The following EFCAB5 variants were observed in gnomAD, a reference collection of about 807,000 sequenced individuals.
EFCAB5 encodes EF-hand calcium binding domain 5.
EFCAB5 carries 131 observed loss-of-function variants against 167.9 expected under a neutral mutation model. That is an observed-to-expected ratio of 0.78 (90% CI 0.68 to 0.90). The LOEUF (loss-of-function observed/expected upper bound fraction) is 0.90. Ranked by LOEUF, EFCAB5 falls within the 40% of genes least tolerant of loss-of-function variation. EFCAB5 has a pLI of 0.00. For missense variants in EFCAB5, 1,663 were observed against 1,745.2 expected, an observed-to-expected ratio of 0.95 and a Z score of 0.84; for synonymous variants, 574 against 602.8, an observed-to-expected ratio of 0.95 and a Z score of 0.70.
chr17:29,951,525 A>AT (rs1406367953), intron 3 of EFCAB5, among the ~76,000 whole-genome samples: 172 of 119,460 alleles, frequency 1.4e-3, no homozygotes, highest in Middle Eastern at 0.012. Flanking sequence ...TTTTTTTTTT[A>AT]TTTTTTTTTT....
chr17:29,986,637 ATTTTTTTTTT>A (rs911310972), intron 4 of EFCAB5, among the ~76,000 whole-genome samples: 9 of 58,082 alleles, frequency 1.5e-4, no homozygotes, highest in Admixed American at 4.9e-4. Flanking sequence ...GAGTATATTC[ATTTTTTTTTT>A]TTTTTTTTTT....
intron 7 of EFCAB5, among the ~76,000 whole-genome samples, chr17:30,016,142 C>A (rs1287423181): frequency 2.0e-5 from 3 of 152,212 alleles, no homozygotes; most frequent in Non-Finnish European, 4.4e-5. Flanking sequence ...ATGTGATTTG[C>A]AAGTATTTTC....
At chr17:30,042,346 G>A (rs542009931) in intron 8 of EFCAB5, among the ~76,000 whole-genome samples, 4 of 152,170 alleles carry the variant, frequency 2.6e-5, no homozygotes, top group East Asian at 3.9e-4. Flanking sequence ...AAACCAAAGC[G>A]AATTTGTGTG....
At chr17:30,102,624 A>T (rs950542447) in intron 22 of EFCAB5, among the ~76,000 whole-genome samples, 2 of 152,118 alleles carry the variant, frequency 1.3e-5, no homozygotes, top group Non-Finnish European at 2.9e-5. Flanking sequence ...AATTGAATGC[A>T]TGTTAATCAT....
Position 29,999,888 on chromosome 17 carries a change from T to C in EFCAB5, c.974-18T>C, listed in dbSNP as rs909810736. 2 of 1,553,416 alleles carry C rather than the reference T, an allele frequency of 1.3e-6. No homozygotes were observed. The highest frequency in any genetic ancestry group is 2.7e-5 in the African/African-American group (2 of 73,488). ...TACAACCTAACTAACTAGCAAATAA[T>C]CTTCATTCCATAAATAGGATCACAC... On this transcript the variant is annotated intron_variant, in intron 6 of 22. Coordinates refer to ENST00000394835, the MANE Select transcript of EFCAB5 (RefSeq NM_198529.4).
chr17:29,986,636 C>CTT (rs1196821046), intron 4 of EFCAB5, among the ~76,000 whole-genome samples: 85 of 87,928 alleles, frequency 9.7e-4, no homozygotes, highest in African/African-American at 4.3e-3. Flanking sequence ...GGAGTATATT[C>CTT]ATTTTTTTTT....
chr17:30,044,506 G>A lies in EFCAB5; in HGVS notation c.1201-6612G>A, dbSNP rs373455976. 2.8e-4 allele frequency among the ~76,000 whole-genome samples: 43 copies of A among 152,110 alleles called. 1 individual carries two copies. Among genetic ancestry groups the A allele is most frequent in the African/African-American group, 9.9e-4 (41 of 41,472 alleles). On this transcript the variant is annotated intron_variant, in intron 8 of 22. Transcript: ENST00000394835. Reference sequence around the variant, plus strand: ...CACGAGAATCGCTTGAACCCGGGAGGTGGAGTTTGCAATGAGCCAAGATCA... The same window carrying A: ...CACGAGAATCGCTTGAACCCGGGAGATGGAGTTTGCAATGAGCCAAGATCA...
chr17:30,068,703 G>A, intron 14 of EFCAB5: 1 of 1,546,700 alleles, frequency 6.5e-7, no homozygotes, highest in Admixed American at 1.7e-5. Context: ...CACTGGGAGT[G>A]GCAGTGGGTG....
intron 3 of EFCAB5, among the ~76,000 whole-genome samples, chr17:29,962,037 A>G (rs2067729610): frequency 6.6e-6 from 1 of 152,146 alleles, no homozygotes; most frequent in Non-Finnish European, 1.5e-5. Flanking sequence ...ATCCTATTTT[A>G]TTAGTCTATA....
chr17:29,973,115 G>A (rs959321956), intron 4 of EFCAB5: 2 of 152,652 alleles, frequency 1.3e-5, no homozygotes, highest in Non-Finnish European at 2.9e-5. Context: ...TGGTCCACCA[G>A]GACCAACTAC....
At chr17:30,061,579 C>T (rs1195348769) in intron 14 of EFCAB5, among the ~76,000 whole-genome samples, 2 of 152,110 alleles carry the variant, frequency 1.3e-5, no homozygotes, top group African/African-American at 4.8e-5. Flanking sequence ...CTTCCCCCTC[C>T]CCACCTTTTT....
At chr17:29,947,643 C>T (rs1567671703) in intron 3 of EFCAB5, among the ~76,000 whole-genome samples, 1 of 152,086 alleles carries the variant, frequency 6.6e-6, no homozygotes, top group Non-Finnish European at 1.5e-5. Flanking sequence ...GTTTTCACAG[C>T]TTCACTAACT....
Position 30,059,624 on chromosome 17 carries a change from G to A in EFCAB5, c.2660G>A (p.Gly887Asp). The A allele has an allele frequency of 6.2e-7, 1 of 1,612,998 alleles. No individual in the cohort carries two copies. Among genetic ancestry groups the A allele is most frequent in the African/African-American group, 1.3e-5 (1 of 75,030 alleles). Residue 887 changes from glycine to aspartate, a missense_variant, in exon 14 of 23, where the codon GGC becomes GAC. By Grantham distance (94) the Gly-to-Asp change is moderately conservative. Coordinates refer to ENST00000394835, the MANE Select transcript of EFCAB5 (RefSeq NM_198529.4). Reference sequence around the variant, plus strand: ...CAGAAGTGGGACAGTGATGGCTCAGGCTTCCTGGATCTGAAGGAAGTTGAT... The same window carrying A: ...CAGAAGTGGGACAGTGATGGCTCAGACTTCCTGGATCTGAAGGAAGTTGAT... ...IFQKWDSDGS[G>D]FLDLKEVDEL...
intron 4 of EFCAB5, among the ~76,000 whole-genome samples, chr17:29,976,137 GACAAAC>G (rs1297365119): frequency 6.6e-6 from 1 of 152,032 alleles, no homozygotes; most frequent in Non-Finnish European, 1.5e-5. Flanking sequence ...CAAATATATT[GACAAAC>G]ACTTCCTCTT....
At position 29,941,922 on chromosome 17, in the gene EFCAB5, G is replaced by A. The variant is rs980109994; in HGVS notation, c.42+84G>A. On this transcript the variant is annotated intron_variant, in intron 1 of 22. Transcript: ENST00000394835. ...GGGAAAATTGAGATGCAATATCACA[G>A]TCTATCATTTAATTATTTCTCTTTT... The A allele has an allele frequency of 2.3e-6, 3 of 1,289,266 alleles. No individual in the cohort carries two copies. The African/African-American group carries it at 4.5e-5, about 19-fold the overall frequency. The allele number at this position is 1,289,266 out of a possible 1,614,324, so 79.9% of individuals were successfully genotyped here. A position where few individuals can be genotyped will look rare whatever the true frequency, so the allele number is the denominator to read the frequency against.
intron 7 of EFCAB5, among the ~76,000 whole-genome samples, chr17:30,007,855 C>T (rs2068804200): frequency 6.6e-6 from 1 of 152,092 alleles, no homozygotes; most frequent in Admixed American, 6.6e-5. Context: ...GGCATGGTGG[C>T]TCACGCCTGT....
At chr17:30,107,765 G>T (rs2151864941) in intron 22 of EFCAB5, 69 bp from the exon 23 acceptor site, 1 of 1,277,608 alleles carries the variant, frequency 7.8e-7, no homozygotes, top group East Asian at 2.9e-5. Context: ...CATAATATTA[G>T]AACTTATAAT....
intron 14 of EFCAB5, among the ~76,000 whole-genome samples, chr17:30,067,422 C>G (rs1206835959): frequency 3.9e-5 from 6 of 151,952 alleles, no homozygotes; most frequent in African/African-American, 1.5e-4. Context: ...TGAGACTAGT[C>G]TGGGCAACAT....
chr17:30,019,699 G>A (rs1486053608), intron 7 of EFCAB5, among the ~76,000 whole-genome samples: 9 of 151,998 alleles, frequency 5.9e-5, no homozygotes, highest in Non-Finnish European at 2.9e-5. Context: ...ACACACCTCG[G>A]CCTCCCAAAG....
Sources: gnomAD v4.1 joint callset for allele counts (sites outside exome capture counted in the v4.1 genomes callset) on GRCh38, gnomAD v4.1.1 for gene constraint, MANE v1.5 for transcripts, NCBI Gene and HGNC (gene_info 2026-07-23, HGNC 2026-07-21) for gene names.